The following CDH13 variants were observed in gnomAD, a reference collection of about 807,000 sequenced individuals.
CDH13 encodes cadherin 13, also known as cadherin-13.
In CDH13, 24 loss-of-function variants were observed where a neutral mutation model predicts 63.8. The observed-to-expected ratio is 0.38, with a 90% CI of 0.27 to 0.53. The LOEUF is 0.53. Ranked by LOEUF, CDH13 falls within the 20% of genes least tolerant of loss-of-function variation. The probability of loss-of-function intolerance (pLI) is 0.85; values close to 1 mark genes in which losing one functional copy is unlikely to be tolerated. For missense variants in CDH13, 1,049 were observed against 903.1 expected (o/e 1.16, Z -2.07); for synonymous variants, 503 against 355.3 (o/e 1.42, Z -4.67).
chr16:83,131,053 G>T (rs181886068), intron 4 of CDH13, among the ~76,000 whole-genome samples: 1 of 152,250 alleles, frequency 6.6e-6, no homozygotes, highest in African/African-American at 2.4e-5. Flanking sequence ...TAGTTGGTTG[G>T]TAAGTAGCTA....
rs770083869 is a variant in CDH13, at chr16:83,557,310, A to T, written c.961-45144A>T. 2.6e-5 allele frequency among the ~76,000 whole-genome samples: 4 copies of T among 152,142 alleles called. No homozygotes were observed. The East Asian group carries it at 7.7e-4, about 29-fold the overall frequency. On this transcript the variant is annotated intron_variant, in intron 7 of 13. Coordinates refer to ENST00000567109, the MANE Select transcript of CDH13 (RefSeq NM_001257.5). The stretch of plus-strand genomic sequence containing the variant: ...TTATGGCGAGTTGTATAATTATTTC[A>T]TTATACATTAGAATGTAATAATAAT...
chr16:83,265,797 C>A (rs1346857507), intron 5 of CDH13, among the ~76,000 whole-genome samples: 1 of 106,242 alleles, frequency 9.4e-6, no homozygotes, highest in South Asian at 3.3e-4. Flanking sequence ...CTTTGTGAAT[C>A]TTTGCTGCCG....
At chr16:82,842,016 G>T (rs954145217) in intron 1 of CDH13, among the ~76,000 whole-genome samples, 1 of 148,966 alleles carries the variant, frequency 6.7e-6, no homozygotes, top group Non-Finnish European at 1.5e-5. Context: ...ATGCCCTTGG[G>T]TACCCCTCAC....
chr16:82,910,277 G>A (rs900106334), intron 2 of CDH13, among the ~76,000 whole-genome samples: 2 of 152,086 alleles, frequency 1.3e-5, no homozygotes, highest in Non-Finnish European at 2.9e-5. Flanking sequence ...GCCTATTCTG[G>A]CCGATACTCA....
intron 13 of CDH13, among the ~76,000 whole-genome samples, chr16:83,792,559 C>T (rs977454039): frequency 2.6e-5 from 4 of 152,180 alleles, no homozygotes; most frequent in Non-Finnish European, 4.4e-5. Context: ...TGGCAGGACG[C>T]CACTAGTGGC....
At chr16:83,002,677 G>C (rs1347129395) in intron 2 of CDH13, among the ~76,000 whole-genome samples, 2 of 152,176 alleles carry the variant, frequency 1.3e-5, no homozygotes, top group Non-Finnish European at 2.9e-5. Context: ...CGGGGAAGAG[G>C]TTTGCTTGTG....
At chr16:83,262,110 G>A (rs991834230) in intron 5 of CDH13, among the ~76,000 whole-genome samples, 1 of 152,154 alleles carries the variant, frequency 6.6e-6, no homozygotes, top group South Asian at 2.1e-4. Flanking sequence ...AAACATCCAG[G>A]TGGAAGACAC....
At chr16:83,282,042 A>G (rs998130636) in intron 5 of CDH13, among the ~76,000 whole-genome samples, 2 of 152,142 alleles carry the variant, frequency 1.3e-5, no homozygotes, top group Non-Finnish European at 2.9e-5. Context: ...CATTGGCTTA[A>G]TTTAAATATT....
intron 8 of CDH13, among the ~76,000 whole-genome samples, chr16:83,667,127 GGATAAATA>G (rs1448515301): frequency 6.9e-6 from 1 of 144,752 alleles, no homozygotes; most frequent in African/African-American, 2.5e-5. Context: ...ATGGATGGAT[GGATAAATA>G]GATAGATGGA....
At chr16:83,474,082 A>T (rs770549494) in intron 6 of CDH13, among the ~76,000 whole-genome samples, 2 of 152,158 alleles carry the variant, frequency 1.3e-5, no homozygotes, top group East Asian at 3.9e-4. Context: ...TGGAGTGGTT[A>T]TTTGACTTCC....
In CDH13 at chr16:83,438,840, A is replaced by C. The variant is rs117296177; in HGVS notation, c.782-47637A>C. Reference sequence around the variant, plus strand: ...TATGCAGCAGTGACATTGAAAGAACAGAACAATCTAAACTGCAGATATTCA... The same window carrying C: ...TATGCAGCAGTGACATTGAAAGAACCGAACAATCTAAACTGCAGATATTCA... On this transcript the variant is annotated intron_variant, in intron 6 of 13. Transcript: ENST00000567109. Among the ~76,000 whole-genome samples the C allele has an allele frequency of 9.3e-3, 1,418 of 152,362 alleles. 2 individuals are homozygous for C. The highest frequency in any genetic ancestry group is 0.023 in the South Asian group (109 of 4,824).
At chr16:82,972,572 C>T (rs572971670) in intron 2 of CDH13, among the ~76,000 whole-genome samples, 6 of 152,296 alleles carry the variant, frequency 3.9e-5, no homozygotes. Context: ...GCAGTAGTAA[C>T]AGCACTTCCA....
At chr16:82,822,319 T>C (rs2038040589) in intron 1 of CDH13, among the ~76,000 whole-genome samples, 1 of 152,186 alleles carries the variant, frequency 6.6e-6, no homozygotes, top group Non-Finnish European at 1.5e-5. Context: ...AATAGGGCTA[T>C]AGGCTATTTG....
intron 5 of CDH13, among the ~76,000 whole-genome samples, chr16:83,279,558 G>A (rs2089098219): frequency 6.6e-6 from 1 of 152,158 alleles, no homozygotes; most frequent in South Asian, 2.1e-4. Flanking sequence ...TTAAAGGTCA[G>A]GGGCAATTTA....
At chr16:83,481,085 A>T (rs1488400294) in intron 6 of CDH13, among the ~76,000 whole-genome samples, 1 of 152,198 alleles carries the variant, frequency 6.6e-6, no homozygotes, top group Non-Finnish European at 1.5e-5. Flanking sequence ...GATGCTTGAC[A>T]ACGATGTGCC....
intron 7 of CDH13, among the ~76,000 whole-genome samples, chr16:83,592,503 C>G (rs1281464780): frequency 6.6e-6 from 1 of 152,154 alleles, no homozygotes; most frequent in East Asian, 1.9e-4. Flanking sequence ...GATGCTTTTT[C>G]CAGGGGTTCT....
At chr16:83,220,495 G>T (rs2039665052) in intron 5 of CDH13, among the ~76,000 whole-genome samples, 1 of 152,034 alleles carries the variant, frequency 6.6e-6, no homozygotes, top group Non-Finnish European at 1.5e-5. Flanking sequence ...TTCTAGTCTT[G>T]CAAGTTTAAA....
intron 10 of CDH13, among the ~76,000 whole-genome samples, chr16:83,712,197 C>T (rs1378207844): frequency 6.6e-6 from 1 of 152,182 alleles, no homozygotes; most frequent in Non-Finnish European, 1.5e-5. Context: ...TGGGGAAACA[C>T]AATTCAGACC....
At chr16:83,407,414 G>T (rs563544590) in intron 6 of CDH13, among the ~76,000 whole-genome samples, 1 of 152,204 alleles carries the variant, frequency 6.6e-6, no homozygotes, top group South Asian at 2.1e-4. Flanking sequence ...TATCATCTTA[G>T]CCCCTGAACT....
Sources: allele counts gnomAD v4.1 joint callset (sites outside exome capture counted in the v4.1 genomes callset), GRCh38; gene constraint gnomAD v4.1.1; transcripts MANE v1.5; gene names NCBI Gene and HGNC (gene_info 2026-07-23, HGNC 2026-07-21).